HEPACAM2: variants seen among roughly 807,000 people sequenced by gnomAD.
HEPACAM2 encodes the protein HEPACAM family member 2.
In HEPACAM2, 49 loss-of-function variants were observed where a neutral mutation model predicts 49.6. The observed-to-expected ratio is 0.99, with a 90% CI of 0.78 to 1.25. The LOEUF (loss-of-function observed/expected upper bound fraction) is 1.25, where lower values mean the gene tolerates loss of function less well. Among genes scored for constraint, HEPACAM2 ranks in the 50% most tolerant of loss-of-function variants. The pLI is 0.00. For synonymous variants in HEPACAM2, 197 were observed against 202.9 expected (o/e 0.97, Z 0.25); for missense variants, 525 against 557.2 (o/e 0.94, Z 0.58).
At chr7:93,204,254 T>A (rs1793967701) in intron 4 of HEPACAM2, among the ~76,000 whole-genome samples, 1 of 152,170 alleles carries the variant, frequency 6.6e-6, no homozygotes, top group Admixed American at 6.5e-5. Context: ...ATTCTATTTA[T>A]ACAATTGAAT....
intron 8 of HEPACAM2, among the ~76,000 whole-genome samples, chr7:93,193,193 T>C (rs1408156865): frequency 6.6e-6 from 1 of 152,116 alleles, no homozygotes; most frequent in East Asian, 1.9e-4. Context: ...GAGTTCACTA[T>C]CTCATGTTAA....
At chr7:93,221,549 A>G (rs1245934036) in intron 1 of HEPACAM2, among the ~76,000 whole-genome samples, 2 of 152,200 alleles carry the variant, frequency 1.3e-5, no homozygotes, top group Non-Finnish European at 2.9e-5. Context: ...TGGAGGTAGA[A>G]GCAAAGATTC....
chr7:93,220,224 A>G (rs776425035), intron 1 of HEPACAM2, among the ~76,000 whole-genome samples: 22 of 152,186 alleles, frequency 1.4e-4, no homozygotes, highest in Non-Finnish European at 2.8e-4. Context: ...ATTTTTTTAA[A>G]TGTTTTATTA....
In HEPACAM2 at chr7:93,194,921, C is replaced by CTTTTTTTTTTTTT. The variant is rs80158728; in HGVS notation, c.1275+894_1275+906dup. On this transcript the variant is annotated intron_variant, in intron 8 of 9. Transcript: ENST00000394468. ...AGAAAAACTGATTACTTTAAAAGATCTTTTTTTTTTTTTTTTTTCCGGACT... is the reference window on the plus strand; with the variant it reads ...AGAAAAACTGATTACTTTAAAAGATCTTTTTTTTTTTTTTTTTTTTTTTTTTTTTTTCCGGACT... Among the ~76,000 whole-genome samples, 438 of 118,094 alleles carry CTTTTTTTTTTTTT rather than the reference C, an allele frequency of 3.7e-3. 35 individuals carry two copies. The highest frequency in any genetic ancestry group is 0.013 in the African/African-American group (394 of 29,352). 77.5% of individuals were successfully genotyped at this position (118,094 alleles called of 152,430 possible).
upstream of HEPACAM2, chr7:93,226,630 C>CAGGCTT: frequency 2.2e-6 from 1 of 462,524 alleles, no homozygotes; most frequent in East Asian, 3.2e-5. Context: ...AGCAAGAATA[C>CAGGCTT]AGGCTTATGG....
At chr7:93,229,888 T>C (rs1411092238), upstream of HEPACAM2, among the ~76,000 whole-genome samples, 1 of 152,210 alleles carries the variant, frequency 6.6e-6, no homozygotes, top group East Asian at 1.9e-4. Flanking sequence ...TAGAAATGAA[T>C]AACGTAAGGT....
intron 2 of HEPACAM2, among the ~76,000 whole-genome samples, chr7:93,218,636 ACTC>A (rs1212406304): frequency 6.6e-6 from 1 of 151,962 alleles, no homozygotes; most frequent in African/African-American, 2.4e-5. Flanking sequence ...AGCTGACCCC[ACTC>A]CTCCTCAGAG....
At chr7:93,220,095 A>G (rs898428472) in intron 1 of HEPACAM2, among the ~76,000 whole-genome samples, 1 of 152,170 alleles carries the variant, frequency 6.6e-6, no homozygotes, top group African/African-American at 2.4e-5. Flanking sequence ...GCATGATAAG[A>G]TATGAGGTCA....
intron 4 of HEPACAM2, among the ~76,000 whole-genome samples, chr7:93,200,544 T>C (rs537000143): frequency 4.6e-4 from 70 of 152,192 alleles, no homozygotes; most frequent in African/African-American, 1.5e-3. Flanking sequence ...TGAATAAAGA[T>C]TAATAAAACA....
intron 3 of HEPACAM2, among the ~76,000 whole-genome samples, chr7:93,212,521 T>G (rs1257585640): frequency 1.3e-5 from 2 of 151,984 alleles, no homozygotes; most frequent in Non-Finnish European, 2.9e-5. Context: ...GTTTTTTTTT[T>G]GCAGAAAATC....
At chr7:93,205,041 A>G (rs1454708246) in intron 4 of HEPACAM2, among the ~76,000 whole-genome samples, 1 of 151,598 alleles carries the variant, frequency 6.6e-6, no homozygotes. Context: ...CAGAGTTTGC[A>G]GTGAGCCGAG....
chr7:93,207,478 G>A (rs1794058180), intron 4 of HEPACAM2, among the ~76,000 whole-genome samples: 1 of 151,798 alleles, frequency 6.6e-6, no homozygotes, highest in African/African-American at 2.4e-5. Flanking sequence ...AAAGGGAAGG[G>A]GAGAGGGAGA....
At chr7:93,190,754 T>C (rs1053874581) in intron 9 of HEPACAM2, among the ~76,000 whole-genome samples, 3 of 152,020 alleles carry the variant, frequency 2.0e-5, no homozygotes, top group Non-Finnish European at 4.4e-5. Flanking sequence ...CTAAAAGTCA[T>C]CTAGTTTCAA....
intron 4 of HEPACAM2, among the ~76,000 whole-genome samples, chr7:93,202,032 C>CAAAAAAAAAAAAAAAAAAAAAAAA (rs71998232): frequency 2.0e-5 from 2 of 102,008 alleles, no homozygotes; most frequent in African/African-American, 3.9e-5. Flanking sequence ...AAAAAAAAAC[C>CAAAAAAAAAAAAAAAAAAAAAAAA]AAAAAAAAAA....
At chr7:93,190,212 A>T (rs909472672) in intron 9 of HEPACAM2, among the ~76,000 whole-genome samples, 2 of 152,082 alleles carry the variant, frequency 1.3e-5, no homozygotes, top group East Asian at 1.9e-4. Flanking sequence ...CTTATTTATT[A>T]AAAAAATTTA....
upstream of HEPACAM2, among the ~76,000 whole-genome samples, chr7:93,230,627 T>C (rs1794608009): frequency 6.6e-6 from 1 of 152,226 alleles, no homozygotes; most frequent in Admixed American, 6.5e-5. Flanking sequence ...TTTTATTTTA[T>C]AGGCTAATAT....
intron 7 of HEPACAM2, 146 bp downstream of exon 7, chr7:93,197,095 G>T: frequency 2.2e-6 from 1 of 463,594 alleles, no homozygotes; most frequent in Non-Finnish European, 3.3e-6. Flanking sequence ...ACTTTGTAAA[G>T]TGAAGGCACT....
intron 4 of HEPACAM2, chr7:93,205,441 T>G (rs1021472716): frequency 5.3e-5 from 8 of 152,204 alleles, no homozygotes; most frequent in African/African-American, 1.9e-4. Context: ...CTTCCACGTT[T>G]TATTGCTAAA....
intron 4 of HEPACAM2, among the ~76,000 whole-genome samples, chr7:93,200,517 T>A (rs1317286571): frequency 3.3e-5 from 5 of 152,134 alleles, no homozygotes; most frequent in African/African-American, 1.2e-4. Context: ...TGAAATAAAT[T>A]GAATGAATAC....
Sources: gnomAD v4.1 joint callset for allele counts (sites outside exome capture counted in the v4.1 genomes callset) on GRCh38, gnomAD v4.1.1 for gene constraint, MANE v1.5 for transcripts, NCBI Gene and HGNC (gene_info 2026-07-23, HGNC 2026-07-21) for gene names.